Variants in ASAP1 observed in about 807,000 individuals in gnomAD.
ASAP1 encodes the protein arf-GAP with SH3 domain, ANK repeat and PH domain-containing protein 1.
Under a neutral mutation model 145.2 loss-of-function variants are expected in ASAP1, and 43 were observed. That is an observed-to-expected ratio of 0.30 (90% CI 0.23 to 0.38). ASAP1 has a LOEUF of 0.38. Among genes scored for constraint, ASAP1 ranks in the 10% least tolerant of loss-of-function variants. The pLI is 1.00. For missense variants in ASAP1, 1,018 were observed against 1,355.3 expected, an observed-to-expected ratio of 0.75 and a Z score of 3.91; for synonymous variants, 546 against 515.5, an observed-to-expected ratio of 1.06 and a Z score of -0.80.
At chr8:130,399,641 C>T (rs1410871540) in intron 2 of ASAP1, among the ~76,000 whole-genome samples, 4 of 152,130 alleles carry the variant, frequency 2.6e-5, no homozygotes, top group Non-Finnish European at 4.4e-5. Context: ...CTTATCTAAT[C>T]ATCCTTTAAA....
chr8:130,258,314 C>A (rs1374408431), intron 3 of ASAP1, among the ~76,000 whole-genome samples: 2 of 152,202 alleles, frequency 1.3e-5, no homozygotes, highest in Non-Finnish European at 2.9e-5. Flanking sequence ...CAAGGACAGT[C>A]CCTGTTTACA....
intron 22 of ASAP1, among the ~76,000 whole-genome samples, chr8:130,116,128 G>T (rs2097555450): frequency 1.3e-5 from 2 of 152,262 alleles, no homozygotes; most frequent in Middle Eastern, 3.4e-3. Context: ...TTGTCTCAAA[G>T]GATTCTTTTA....
Position 130,358,734 on chromosome 8 carries a change from C to T in ASAP1, c.60-591G>A, listed in dbSNP as rs1346773622. 7.1e-6 allele frequency among the ~76,000 whole-genome samples: 1 copy of T among 141,020 alleles called. No individual in the cohort carries two copies. 92.5% of individuals were successfully genotyped at this position (141,020 alleles called of 152,430 possible). On this transcript the variant is annotated intron_variant, in intron 2 of 29. Coordinates refer to ENST00000518721, the MANE Select transcript of ASAP1 (RefSeq NM_018482.4). The surrounding 1 kb of genome is among the most constrained non-coding windows in gnomAD (Gnocchi z 4.1). ...TCCCTCCCCGCCCGCGCCCCGCCCC[C>T]GGCCCGGCCCCCGCCCCGCCCCGCC...
chr8:130,115,646 A>G lies in ASAP1; in HGVS notation c.2154T>C (p.Asp718=), dbSNP rs764321294. The change falls in exon 23 of 30, where the codon GAT becomes GAC. Residue 718 remains aspartate, a synonymous_variant. Coordinates refer to ENST00000518721, the MANE Select transcript of ASAP1 (RefSeq NM_018482.4). ...CACTCACTTTGTCATCCAGATCATC[A>G]TCGCTCTCATCTATCTCCTCCTGTC... The part of the protein sequence containing the change: ...NLRQEEIDES[D]DDLDDKPSPI... 6.8e-6 allele frequency: 11 copies of G among 1,613,628 alleles called. No individual in the cohort carries two copies. The East Asian group carries it at 2.2e-4, about 33-fold the overall frequency.
At chr8:130,415,425 G>A (rs1308508563) in intron 1 of ASAP1, among the ~76,000 whole-genome samples, 1 of 152,110 alleles carries the variant, frequency 6.6e-6, no homozygotes, top group Non-Finnish European at 1.5e-5. Flanking sequence ...CTATGACTGT[G>A]CCACTGCACT....
intron 3 of ASAP1, among the ~76,000 whole-genome samples, chr8:130,260,744 T>C (rs893258079): frequency 6.6e-6 from 1 of 152,134 alleles, no homozygotes; most frequent in African/African-American, 2.4e-5. Flanking sequence ...GGTCTGTCTC[T>C]ATGTGCCGAA....
intron 3 of ASAP1, among the ~76,000 whole-genome samples, chr8:130,339,713 GTTC>G (rs879584228): frequency 3.3e-5 from 5 of 152,200 alleles, no homozygotes; most frequent in Admixed American, 1.3e-4. Context: ...GGTATGTCTG[GTTC>G]TGTGCCCTGA....
intron 5 of ASAP1, among the ~76,000 whole-genome samples, chr8:130,212,428 G>A (rs527643439): frequency 6.6e-6 from 1 of 152,286 alleles, no homozygotes; most frequent in East Asian, 1.9e-4. Flanking sequence ...CTTCTGCTGA[G>A]GGAAACAGCA....
chr8:130,168,618 A>G (rs1177665281), intron 10 of ASAP1, among the ~76,000 whole-genome samples: 1 of 152,136 alleles, frequency 6.6e-6, no homozygotes, highest in African/African-American at 2.4e-5. Flanking sequence ...ACAAACAAAC[A>G]AAAACCCCAA....
intron 28 of ASAP1, 49 bp downstream of exon 28, chr8:130,060,530 G>A: frequency 1.3e-6 from 2 of 1,531,096 alleles, no homozygotes; most frequent in Non-Finnish European, 1.8e-6. Flanking sequence ...CCACCAACTT[G>A]CAAAGTGCGG....
chr8:130,292,646 T>C (rs961483160), intron 3 of ASAP1, among the ~76,000 whole-genome samples: 5 of 152,192 alleles, frequency 3.3e-5, no homozygotes, highest in Admixed American at 6.5e-5. Flanking sequence ...TCACGTTCCC[T>C]GTTGTGCACC....
intron 14 of ASAP1, among the ~76,000 whole-genome samples, chr8:130,135,216 T>C (rs780748525): frequency 9.2e-5 from 14 of 152,210 alleles, no homozygotes; most frequent in Non-Finnish European, 1.5e-4. Flanking sequence ...CCATGCTTAA[T>C]GTTACAGCTC....
chr8:130,067,559 C>T (rs1473921030), intron 27 of ASAP1, among the ~76,000 whole-genome samples: 2 of 152,190 alleles, frequency 1.3e-5, no homozygotes, highest in Admixed American at 1.3e-4. Flanking sequence ...CCACACTCTG[C>T]TAATTTTTCA....
chr8:130,427,647 G>C (rs1478643223), intron 1 of ASAP1: 1 of 152,202 alleles, frequency 6.6e-6, no homozygotes, highest in African/African-American at 2.4e-5. Flanking sequence ...CAGATTCCAT[G>C]AAGGACTCCA....
chr8:130,127,436 C>T (rs924829898), intron 16 of ASAP1, among the ~76,000 whole-genome samples: 6 of 152,080 alleles, frequency 3.9e-5, no homozygotes, highest in Admixed American at 3.9e-4. Flanking sequence ...AGGCTGGTCT[C>T]GAACTCCTGA....
intron 4 of ASAP1, among the ~76,000 whole-genome samples, chr8:130,224,225 A>G (rs138159747): frequency 3.9e-5 from 6 of 152,352 alleles, no homozygotes; most frequent in African/African-American, 1.4e-4. Flanking sequence ...GCCATGTGCC[A>G]GCCATATAAA....
At chr8:130,059,401 G>C (rs1220786653) in intron 28 of ASAP1, among the ~76,000 whole-genome samples, 1 of 152,050 alleles carries the variant, frequency 6.6e-6, no homozygotes, top group Admixed American at 6.5e-5. Context: ...CTGGGCTCAA[G>C]GGAACCTCGC....
At chr8:130,235,326 C>T (rs1394356545) in intron 4 of ASAP1, among the ~76,000 whole-genome samples, 1 of 152,010 alleles carries the variant, frequency 6.6e-6, no homozygotes, top group Non-Finnish European at 1.5e-5. Flanking sequence ...ATATAATATA[C>T]ATACCTACAG....
At chr8:130,349,386 T>C (rs1397605407) in intron 3 of ASAP1, among the ~76,000 whole-genome samples, 1 of 152,212 alleles carries the variant, frequency 6.6e-6, no homozygotes, top group Non-Finnish European at 1.5e-5. Context: ...AATTGTCTAA[T>C]GCAATAATAC....
Sources: gnomAD v4.1 joint callset for allele counts (sites outside exome capture counted in the v4.1 genomes callset) on GRCh38, gnomAD v4.1.1 for gene constraint, Gnocchi (gnomAD v3.1) non-coding constraint, MANE v1.5 for transcripts, NCBI Gene and HGNC (gene_info 2026-07-23, HGNC 2026-07-21) for gene names.